The following NPTN variants were observed in gnomAD, a reference collection of about 807,000 sequenced individuals.
NPTN encodes SDR-1.
A neutral mutation model predicts 42.7 loss-of-function variants in NPTN; 5 were observed. That is an observed-to-expected ratio of 0.12 (90% CI 0.06 to 0.25). The LOEUF (loss-of-function observed/expected upper bound fraction) is 0.25. NPTN is among the 10% of genes least tolerant of loss of function. The pLI is 1.00. For synonymous variants in NPTN, 180 were observed against 201.9 expected (o/e 0.89, Z 0.92); for missense variants, 307 against 525.4 (o/e 0.58, Z 4.06).
Position 73,570,378 on chromosome 15 carries a change from T to C in NPTN, c.886A>G (p.Asn296Asp). The C allele has an allele frequency of 6.2e-7, 1 of 1,613,846 alleles. No homozygotes were observed. Among genetic ancestry groups the C allele is most frequent in the Non-Finnish European group, 8.5e-7 (1 of 1,179,980 alleles). ...SGRFFIINKE[N>D]YTELNIVNLQ... ...TTCACAATGTTCAACTCAGTGTAAT[T>C]TTCCTTGTTGATGATGAAGAAGCGG... Residue 296 changes from asparagine to aspartate, a missense_variant, in exon 6 of 9, where the codon AAT becomes GAT. Asn to Asp is a conservative substitution (Grantham distance 23, BLOSUM62 1). Around this residue, in one of 2 missense-constraint regions of NPTN, gnomAD observed 264 missense variants for 491.1 expected, o/e 0.54. Transcript: ENST00000345330. The surrounding 1 kb of genome is among the most constrained non-coding windows in gnomAD (Gnocchi z 4.0).
chr15:73,591,850 G>A, intron 3 of NPTN, 116 bp downstream of exon 3: 1 of 1,009,022 alleles, frequency 9.9e-7, no homozygotes, highest in Non-Finnish European at 1.5e-6. Context: ...GACTCTCAAA[G>A]GGAGAACCAA....
intron 3 of NPTN, chr15:73,591,575 G>C (rs1271481199): frequency 6.4e-6 from 1 of 155,808 alleles, no homozygotes; most frequent in Admixed American, 6.4e-5. Context: ...TTAGGGAGAT[G>C]TCTTGCTCTA....
chr15:73,571,124 T>C (rs1356976437), intron 5 of NPTN, among the ~76,000 whole-genome samples: 1 of 151,670 alleles, frequency 6.6e-6, no homozygotes, highest in East Asian at 1.9e-4. Context: ...CTACAAAAAA[T>C]CAAAAATAAA....
At chr15:73,622,975 C>T (rs1898209337) in intron 1 of NPTN, among the ~76,000 whole-genome samples, 1 of 152,226 alleles carries the variant, frequency 6.6e-6, no homozygotes, top group Non-Finnish European at 1.5e-5. Flanking sequence ...CCAGCTCCCA[C>T]TTCTAAAGAC....
chr15:73,564,123 C>T (rs1290892886), intron 6 of NPTN, among the ~76,000 whole-genome samples: 2 of 152,092 alleles, frequency 1.3e-5, no homozygotes, highest in African/African-American at 4.8e-5. Context: ...CAACTTGATC[C>T]CCTTTAAGCA....
chr15:73,612,494 G>A (rs576082380), intron 1 of NPTN, among the ~76,000 whole-genome samples: 32 of 151,854 alleles, frequency 2.1e-4, no homozygotes, highest in African/African-American at 6.0e-4. Context: ...CTGGCCAGGC[G>A]CAGTGGCTCA....
At chr15:73,589,815 G>A (rs1052964799) in intron 3 of NPTN, among the ~76,000 whole-genome samples, 1 of 10,794 alleles carries the variant, frequency 9.3e-5, no homozygotes, top group African/African-American at 9.8e-5. Flanking sequence ...GTGAGAAGCA[G>A]TCAGTGTCTT....
At chr15:73,568,106 T>A in intron 6 of NPTN, 2 of 985,424 alleles carry the variant, frequency 2.0e-6, no homozygotes, top group Non-Finnish European at 2.4e-6. Context: ...AAGAAAACTC[T>A]TACAAAAAAA....
chr15:73,619,306 C>CTATG (rs1162144580), intron 1 of NPTN, among the ~76,000 whole-genome samples: 1 of 152,078 alleles, frequency 6.6e-6, no homozygotes, highest in Non-Finnish European at 1.5e-5. Flanking sequence ...GTACAGCAAG[C>CTATG]TATGTACGTC....
chr15:73,592,905 T>C (rs572990156), intron 2 of NPTN, among the ~76,000 whole-genome samples: 63 of 152,332 alleles, frequency 4.1e-4, no homozygotes, highest in East Asian at 9.6e-4. Flanking sequence ...TTAGAGTTCA[T>C]TGAATCCCAC....
chr15:73,604,140 G>A (rs932603619), intron 1 of NPTN, among the ~76,000 whole-genome samples: 1 of 151,912 alleles, frequency 6.6e-6, no homozygotes, highest in Non-Finnish European at 1.5e-5. Context: ...TTAAAAAAAA[G>A]TCAATGACAA....
chr15:73,563,392 G>A, intron 6 of NPTN, 135 bp from the exon 7 acceptor site: 1 of 1,475,142 alleles, frequency 6.8e-7, no homozygotes, highest in Non-Finnish European at 9.0e-7. Flanking sequence ...ATTTATTAAA[G>A]GCCATTCCAT....
At chr15:73,630,902 AG>A (rs2141487345) in intron 1 of NPTN, among the ~76,000 whole-genome samples, 2 of 152,364 alleles carry the variant, frequency 1.3e-5, no homozygotes, top group South Asian at 4.1e-4. Context: ...CCATAACTAT[AG>A]GAACTCAAAC....
chr15:73,627,968 C>T (rs1052415393), intron 1 of NPTN, among the ~76,000 whole-genome samples: 5 of 151,270 alleles, frequency 3.3e-5, no homozygotes, highest in East Asian at 1.9e-4. Flanking sequence ...CCTGTCTTCC[C>T]GAAGTTAATC....
At chr15:73,561,775 C>A (rs1409554486) in intron 8 of NPTN, 121 bp downstream of exon 8, 15 of 746,882 alleles carry the variant, frequency 2.0e-5, no homozygotes, top group Non-Finnish European at 2.3e-5. Context: ...TCAGTATCAG[C>A]TGCTCTGAAA....
At chr15:73,579,234 G>A (rs540784914) in intron 4 of NPTN, among the ~76,000 whole-genome samples, 10 of 141,424 alleles carry the variant, frequency 7.1e-5, no homozygotes, top group East Asian at 4.3e-4. Context: ...AGCTGAGATC[G>A]CGCCACTGCA....
intron 1 of NPTN, among the ~76,000 whole-genome samples, chr15:73,620,844 T>C (rs1378270810): frequency 1.3e-5 from 2 of 152,216 alleles, no homozygotes; most frequent in African/African-American, 4.8e-5. Context: ...CGGTCTGAAT[T>C]TGTAGCTTGG....
intron 2 of NPTN, among the ~76,000 whole-genome samples, chr15:73,595,855 GA>G (rs1312844263): frequency 2.6e-5 from 4 of 151,958 alleles, no homozygotes; most frequent in Non-Finnish European, 5.9e-5. Context: ...TCACTTTCAA[GA>G]AAGAGAGAGA....
intron 1 of NPTN, among the ~76,000 whole-genome samples, chr15:73,609,285 C>CA (rs1897442508): frequency 1.3e-5 from 2 of 152,156 alleles, no homozygotes; most frequent in South Asian, 2.1e-4. Flanking sequence ...CAGAAGGTCT[C>CA]AAAGCAGCAT....
Sources: allele counts gnomAD v4.1 joint callset (sites outside exome capture counted in the v4.1 genomes callset), GRCh38; gene constraint gnomAD v4.1.1; regional missense constraint gnomAD v4.1.1; non-coding constraint Gnocchi (gnomAD v3.1); transcripts MANE v1.5; gene names NCBI Gene and HGNC (gene_info 2026-07-23, HGNC 2026-07-21).